Variants in SCEL observed in about 807,000 individuals in gnomAD.
The protein encoded by SCEL is sciellin.
Under a neutral mutation model 117.6 loss-of-function variants are expected in SCEL, and 113 were observed. The ratio of observed to expected loss-of-function variants is 0.96; its 90% CI spans 0.83 to 1.12. SCEL has a LOEUF of 1.12. Ranked by LOEUF, SCEL falls within the 50% of genes most tolerant of loss-of-function variation. The pLI, the probability that SCEL is intolerant of heterozygous loss-of-function variation, is 0.00. For missense variants in SCEL, 785 were observed against 810.8 expected, an observed-to-expected ratio of 0.97 and a Z score of 0.39; for synonymous variants, 270 against 256.2, an observed-to-expected ratio of 1.05 and a Z score of -0.51.
intron 14 of SCEL, 104 bp from the exon 15 acceptor site, chr13:77,599,585 A>G (rs2087501992): frequency 9.4e-6 from 9 of 961,112 alleles, no homozygotes. Context: ...AATAAGAGTA[A>G]ATGAGCAATT....
Position 77,597,541 on chromosome 13 carries a change from A to G in SCEL, c.753-4A>G, listed in dbSNP as rs749369023. On this transcript the variant is annotated splice_polypyrimidine_tract_variant and splice_region_variant and intron_variant, in intron 12 of 32. Transcript: ENST00000349847. ...ATGTTAAACATTTTTTTCTCTTCCCAAAGTGAAGAATTGGATAATCTCATC... is the reference window on the plus strand; with the variant it reads ...ATGTTAAACATTTTTTTCTCTTCCCGAAGTGAAGAATTGGATAATCTCATC... 1.3e-6 allele frequency: 2 copies of G among 1,489,350 alleles called. No individual in the cohort carries two copies. Among genetic ancestry groups the G allele is most frequent in the South Asian group, 1.2e-5 (1 of 81,406 alleles). The allele number at this position is 1,489,350 out of a possible 1,614,324, so 92.3% of individuals were successfully genotyped here. A position where few individuals can be genotyped will look rare whatever the true frequency, so the allele number is the denominator to read the frequency against.
chr13:77,593,298 CTGTGTGTGTGTG>C (rs112759213), intron 11 of SCEL, among the ~76,000 whole-genome samples: 2 of 73,676 alleles, frequency 2.7e-5, no homozygotes, highest in African/African-American at 1.2e-4. Context: ...GTGTGTGTGT[CTGTGTGTGTGTG>C]TGTGTGTGTC....
intron 7 of SCEL, 97 bp from the exon 8 acceptor site, chr13:77,569,274 C>G: frequency 1.1e-6 from 1 of 879,248 alleles, no homozygotes; most frequent in Non-Finnish European, 1.8e-6. Context: ...GAACAGAGAG[C>G]AGGCAGGAAT....
At chr13:77,613,042 GA>G (rs900510520) in intron 23 of SCEL, 101 bp downstream of exon 23, 83 of 667,974 alleles carry the variant, frequency 1.2e-4, no homozygotes, top group South Asian at 2.7e-4. Context: ...AAGGGGACAT[GA>G]AAAAAAATGA....
rs181527837 is a variant in SCEL at position 77,559,479 on chromosome 13, G to A, written c.162-325G>A. On this transcript the variant is annotated intron_variant, in intron 3 of 32. Transcript: ENST00000349847. The stretch of plus-strand genomic sequence containing the variant: ...AAAGGACTCTTCTAATACATATAAA[G>A]TAAATGGGCTCATATTCCCACAGTC... Among the ~76,000 whole-genome samples, 4 of 152,078 alleles carry A rather than the reference G, an allele frequency of 2.6e-5. No individual in the cohort carries two copies. The East Asian group carries it at 5.8e-4, about 22-fold the overall frequency.
At chr13:77,571,046 G>A (rs937515396) in intron 8 of SCEL, among the ~76,000 whole-genome samples, 3 of 151,064 alleles carry the variant, frequency 2.0e-5, no homozygotes, top group Non-Finnish European at 4.4e-5. Context: ...TTGCCAGGCT[G>A]GTCTTGAGCT....
chr13:77,592,930 T>G, intron 11 of SCEL, among the ~76,000 whole-genome samples: 1 of 152,298 alleles, frequency 6.6e-6, no homozygotes, highest in East Asian at 1.9e-4. Flanking sequence ...ATATTGGCAT[T>G]GATCTGATTT....
intron 1 of SCEL, among the ~76,000 whole-genome samples, chr13:77,543,756 G>C (rs2083849129): frequency 6.6e-6 from 1 of 152,130 alleles, no homozygotes; most frequent in Non-Finnish European, 1.5e-5. Flanking sequence ...CATCCATGTT[G>C]CTGCAAAGAA....
intron 1 of SCEL, among the ~76,000 whole-genome samples, chr13:77,552,619 GA>G (rs1160560033): frequency 3.3e-5 from 5 of 152,144 alleles, no homozygotes; most frequent in Non-Finnish European, 5.9e-5. Flanking sequence ...AGTAGGTTGT[GA>G]AAATTTTCTC....
At chr13:77,615,659 A>G (rs2088969359) in intron 24 of SCEL, among the ~76,000 whole-genome samples, 1 of 152,132 alleles carries the variant, frequency 6.6e-6, no homozygotes. Flanking sequence ...GATAAAATTT[A>G]GACATGCATG....
At chr13:77,543,184 C>A (rs907643557) in intron 1 of SCEL, among the ~76,000 whole-genome samples, 1 of 149,472 alleles carries the variant, frequency 6.7e-6, no homozygotes, top group Non-Finnish European at 1.5e-5. Flanking sequence ...CCCGGGTTCA[C>A]GCCATTCTCC....
At chr13:77,555,463 ATC>A (rs1298541094) in intron 1 of SCEL, among the ~76,000 whole-genome samples, 1 of 151,946 alleles carries the variant, frequency 6.6e-6, no homozygotes, top group Non-Finnish European at 1.5e-5. Flanking sequence ...GTTCAGCACA[ATC>A]TCTCTCTCTC....
At chr13:77,581,728 T>G (rs2086272688) in intron 9 of SCEL, among the ~76,000 whole-genome samples, 1 of 152,220 alleles carries the variant, frequency 6.6e-6, no homozygotes, top group South Asian at 2.1e-4. Flanking sequence ...TTTCTCCTAG[T>G]ATTGCTGGAA....
chr13:77,575,191 T>C (rs975944285), intron 9 of SCEL, among the ~76,000 whole-genome samples: 9 of 152,334 alleles, frequency 5.9e-5, no homozygotes, highest in African/African-American at 2.2e-4. Context: ...ACTTGTGTTG[T>C]ATTGTGTTTT....
chr13:77,595,071 A>C (rs969806792), intron 12 of SCEL, among the ~76,000 whole-genome samples: 1 of 152,216 alleles, frequency 6.6e-6, no homozygotes, highest in Non-Finnish European at 1.5e-5. Flanking sequence ...TGATCGGGAT[A>C]TCTGAGAAAC....
rs556091049 is a variant in SCEL, at chr13:77,641,071, A to T, written c.1947+287A>T. The stretch of plus-strand genomic sequence containing the variant: ...AAAACCCACTTGTTCTTTTTATAAA[A>T]GTTTTTGCAACAGTTTACTAAATTA... On this transcript the variant is annotated intron_variant, in intron 31 of 32. Coordinates refer to ENST00000349847, the MANE Select transcript of SCEL (RefSeq NM_144777.3). Among the ~76,000 whole-genome samples the T allele has an allele frequency of 5.3e-5, 8 of 152,336 alleles. No individual in the cohort carries two copies. In the South Asian group the frequency reaches 1.4e-3, roughly 28 times the overall value.
intron 15 of SCEL, among the ~76,000 whole-genome samples, chr13:77,600,543 T>C (rs1160732967): frequency 2.0e-5 from 3 of 152,214 alleles, no homozygotes; most frequent in Non-Finnish European, 4.4e-5. Flanking sequence ...TGAAAAGCTA[T>C]GCTTTTATTT....
intron 12 of SCEL, chr13:77,596,927 A>G (rs1462465465): frequency 6.6e-6 from 1 of 152,244 alleles, no homozygotes. Flanking sequence ...AGCAGCAGCC[A>G]GAAAAGGCTT....
chr13:77,600,535 A>C (rs1385801656), intron 15 of SCEL, among the ~76,000 whole-genome samples: 1 of 152,176 alleles, frequency 6.6e-6, no homozygotes, highest in Non-Finnish European at 1.5e-5. Flanking sequence ...CCTTTAAATG[A>C]AAAGCTATGC....
Sources: gnomAD v4.1 joint callset for allele counts (sites outside exome capture counted in the v4.1 genomes callset) on GRCh38, gnomAD v4.1.1 for gene constraint, MANE v1.5 for transcripts, NCBI Gene and HGNC (gene_info 2026-07-23, HGNC 2026-07-21) for gene names.